The following CABLES1 variants were observed in gnomAD, a reference collection of about 807,000 sequenced individuals.
The protein encoded by CABLES1 is CDK5 and ABL1 enzyme substrate 1.
Under a neutral mutation model 57.8 loss-of-function variants are expected in CABLES1, and 36 were observed. The ratio of observed to expected loss-of-function variants is 0.62; its 90% CI spans 0.48 to 0.82. CABLES1 has a LOEUF of 0.82. Ranked by LOEUF, CABLES1 falls within the 40% of genes least tolerant of loss-of-function variation. CABLES1 has a pLI of 0.00. For missense variants in CABLES1, 767 were observed against 836.6 expected (o/e 0.92, Z 1.03); for synonymous variants, 374 against 363.0 (o/e 1.03, Z -0.35).
At chr18:23,234,466 A>G in intron 4 of CABLES1, 142 bp from the exon 5 acceptor site, 1 of 652,316 alleles carries the variant, frequency 1.5e-6, no homozygotes, top group Non-Finnish European at 2.8e-6. Context: ...GCGCCCGAAG[A>G]GGGACAACGG....
intron 2 of CABLES1, among the ~76,000 whole-genome samples, chr18:23,192,883 C>A (rs563962955): frequency 9.9e-5 from 15 of 152,216 alleles, no homozygotes; most frequent in African/African-American, 3.6e-4. Flanking sequence ...CTCCTTGAAC[C>A]TTAGCCAATT....
In CABLES1 at chr18:23,135,937, C is replaced by T. The variant is rs2046815982; in HGVS notation, c.175C>T (p.Pro59Ser). ...PEPPRKPRMD[P>S]RRRQAALSFL... ...ACCCCCCCGGAAGCCGCGCATGGAC[C>T]CGCGGCGCCGCCAGGCTGCCCTCTC... Residue 59 changes from proline (P) to serine (S), a missense_variant, in exon 1 of 10, where the codon CCG (proline) becomes TCG (serine). Pro to Ser is a moderately conservative substitution (Grantham distance 74, BLOSUM62 -1). Coordinates refer to ENST00000256925, the MANE Select transcript of CABLES1 (RefSeq NM_001100619.3). 1.8e-6 allele frequency: 2 copies of T among 1,117,592 alleles called. No individual in the cohort carries two copies. Among genetic ancestry groups the T allele is most frequent in the Non-Finnish European group, 1.1e-6 (1 of 918,756 alleles). 69.2% of individuals were successfully genotyped at this position (1,117,592 alleles called of 1,614,324 possible).
At position 23,258,238 on chromosome 18, in the gene CABLES1, T is replaced by C. The variant is rs757307294; in HGVS notation, c.*871T>C. 2.6e-5 allele frequency: 4 copies of C among 152,634 alleles called. No homozygotes were observed. Among genetic ancestry groups the C allele is most frequent in the Non-Finnish European group, 4.4e-5 (3 of 68,054 alleles). The allele number at this position is 152,634 out of a possible 1,614,324, so 9.5% of individuals were successfully genotyped here. On this transcript the variant is annotated 3_prime_UTR_variant, in exon 10 of 10. Transcript: ENST00000256925. ...CCTCGCACTTTCTCCACTGTGGAGA[T>C]GGCTGGGGCGGCGCCCCACAGTGTG...
intron 7 of CABLES1, among the ~76,000 whole-genome samples, chr18:23,250,519 CA>C (rs1374712707): frequency 1.1e-4 from 16 of 152,144 alleles, no homozygotes; most frequent in Non-Finnish European, 1.2e-4. Context: ...CCAGAGGAGA[CA>C]TTTGTTGGAG....
intron 8 of CABLES1, 84 bp from the exon 9 acceptor site, chr18:23,253,645 A>C (rs904785151): frequency 4.3e-6 from 5 of 1,150,944 alleles, no homozygotes; most frequent in Middle Eastern, 2.8e-4. Context: ...GAAAGAGAAA[A>C]AGCATTCAAG....
intron 3 of CABLES1, among the ~76,000 whole-genome samples, chr18:23,205,739 T>C (rs2047358592): frequency 6.6e-6 from 1 of 152,082 alleles, no homozygotes; most frequent in South Asian, 2.1e-4. Context: ...ACATCTATAG[T>C]CCCAGCAATT....
At chr18:23,135,291 C>T (rs9960847), upstream of CABLES1, among the ~76,000 whole-genome samples, 389 of 152,328 alleles carry the variant, frequency 2.6e-3, 1 homozygote, top group African/African-American at 9.0e-3. Context: ...ACCCGCTCGG[C>T]TCTCGCGTCC....
At position 23,135,894 on chromosome 18, in the gene CABLES1, G is replaced by C. The variant is rs1235550472; in HGVS notation, c.132G>C (p.Pro44=). ...QPQPQPAAAA[P]AQPPPEPPRK... Reference sequence around the variant, plus strand: ...AGCCTCAGCCCGCGGCCGCCGCGCCGGCCCAGCCGCCGCCCGAACCCCCCC... The same window carrying C: ...AGCCTCAGCCCGCGGCCGCCGCGCCCGCCCAGCCGCCGCCCGAACCCCCCC... Residue 44 remains proline, a synonymous_variant, in exon 1 of 10, where the codon CCG becomes CCC. Transcript: ENST00000256925. 5.6e-6 allele frequency: 6 copies of C among 1,064,194 alleles called. No individual in the cohort carries two copies. Among genetic ancestry groups the C allele is most frequent in the Admixed American group, 5.3e-5 (1 of 18,788 alleles). The allele number at this position is 1,064,194 out of a possible 1,614,324, so 65.9% of individuals were successfully genotyped here.
chr18:23,180,148 C>T (rs1007512621), intron 1 of CABLES1, among the ~76,000 whole-genome samples: 7 of 152,104 alleles, frequency 4.6e-5, no homozygotes, highest in African/African-American at 1.4e-4. Context: ...GTCTCGATCT[C>T]CTGACCTCGT....
At position 23,174,848 on chromosome 18, in the gene CABLES1, A is replaced by G. The variant is rs868421715; in HGVS notation, c.846-13990A>G. ...TATATATATATATATATATATATATATATATATATATATGTTTTTTAAACT... is the reference window on the plus strand; with the variant it reads ...TATATATATATATATATATATATATGTATATATATATATGTTTTTTAAACT... On this transcript the variant is annotated intron_variant, in intron 1 of 9. Transcript: ENST00000256925. Among the ~76,000 whole-genome samples, 1,251 of 138,502 alleles carry G rather than the reference A, an allele frequency of 9.0e-3. 18 individuals carry two copies. Among genetic ancestry groups the G allele is most frequent in the Non-Finnish European group, 0.015 (988 of 65,250 alleles). The allele number at this position is 138,502 out of a possible 152,430, so 90.9% of individuals were successfully genotyped here. A position where few individuals can be genotyped will look rare whatever the true frequency, so the allele number is the denominator to read the frequency against.
chr18:23,191,363 G>T (rs2047241722), intron 2 of CABLES1, among the ~76,000 whole-genome samples: 1 of 152,196 alleles, frequency 6.6e-6, no homozygotes, highest in East Asian at 1.9e-4. Context: ...GAGAGCCTGG[G>T]AACCTGAGTT....
chr18:23,160,497 G>A (rs894725342), intron 1 of CABLES1, among the ~76,000 whole-genome samples: 8 of 152,126 alleles, frequency 5.3e-5, no homozygotes, highest in African/African-American at 7.2e-5. Context: ...CCTGCCTCAC[G>A]GCCCGCCTAT....
At chr18:23,148,515 A>T (rs1040807621) in intron 1 of CABLES1, among the ~76,000 whole-genome samples, 4 of 152,114 alleles carry the variant, frequency 2.6e-5, no homozygotes, top group Admixed American at 2.0e-4. Flanking sequence ...GTCAGCAGGG[A>T]CTTCTATGTC....
chr18:23,236,095 AG>A (rs2047607796), intron 6 of CABLES1, 44 bp downstream of exon 6: 1 of 1,599,036 alleles, frequency 6.3e-7, no homozygotes, highest in South Asian at 1.1e-5. Context: ...GGTGGGAGGG[AG>A]GTGCCTCCAT....
intron 4 of CABLES1, among the ~76,000 whole-genome samples, chr18:23,220,076 A>G (rs1404529329): frequency 2.0e-5 from 3 of 152,102 alleles, no homozygotes; most frequent in Admixed American, 6.5e-5. Flanking sequence ...CCAAGCTGAT[A>G]AGGGATCGGC....
intron 1 of CABLES1, among the ~76,000 whole-genome samples, chr18:23,185,525 C>T (rs956514010): frequency 3.9e-5 from 6 of 152,114 alleles, no homozygotes; most frequent in African/African-American, 1.4e-4. Context: ...AGAGGTGAAC[C>T]TGCCTGTCTG....
At chr18:23,205,181 CTTTT>C (rs34690271) in intron 3 of CABLES1, among the ~76,000 whole-genome samples, 7 of 81,182 alleles carry the variant, frequency 8.6e-5, no homozygotes, top group African/African-American at 1.5e-4. Flanking sequence ...TCATTCCTGA[CTTTT>C]TTTTTTTTTT....
chr18:23,202,082 T>G (rs16977599), intron 3 of CABLES1, among the ~76,000 whole-genome samples: 24,632 of 152,078 alleles, frequency 0.16, 3,067 homozygotes, highest in African/African-American at 0.31. Flanking sequence ...TGAGCTCTGA[T>G]AAGTTGGTGG....
intron 4 of CABLES1, among the ~76,000 whole-genome samples, chr18:23,219,999 T>G (rs534178773): frequency 6.6e-6 from 1 of 152,310 alleles, no homozygotes; most frequent in African/African-American, 2.4e-5. Context: ...GGCTAGGGGC[T>G]TCATCACCCT....
Sources: gnomAD v4.1 joint callset for allele counts (sites outside exome capture counted in the v4.1 genomes callset) on GRCh38, gnomAD v4.1.1 for gene constraint, MANE v1.5 for transcripts, NCBI Gene and HGNC (gene_info 2026-07-23, HGNC 2026-07-21) for gene names.